Variants in TBXAS1 observed in about 807,000 individuals in gnomAD.
TBXAS1 encodes thromboxane-A synthase.
TBXAS1 carries 48 observed loss-of-function variants against 60.7 expected under a neutral mutation model. That is an observed-to-expected ratio of 0.79 (90% confidence interval 0.63 to 1.01). TBXAS1 has a LOEUF of 1.01. Among genes scored for constraint, TBXAS1 ranks in the 50% least tolerant of loss-of-function variants. TBXAS1 has a pLI of 0.00. For missense variants in TBXAS1, 685 were observed against 686.3 expected (o/e 1.00, Z 0.02); for synonymous variants, 287 against 269.7 (o/e 1.06, Z -0.63).
chr7:139,886,862 C>T (rs1803152775), intron 3 of TBXAS1, among the ~76,000 whole-genome samples: 1 of 152,190 alleles, frequency 6.6e-6, no homozygotes, highest in Admixed American at 6.5e-5. Flanking sequence ...TTGTTAGCTG[C>T]TTCCCCCAAA....
chr7:139,798,684 A>C (rs1797634268), intron 4 of TBXAS1, among the ~76,000 whole-genome samples: 1 of 152,204 alleles, frequency 6.6e-6, no homozygotes, highest in Non-Finnish European at 1.5e-5. Context: ...ACCATAATTC[A>C]TGTTCCTGAT....
intron 9 of TBXAS1, among the ~76,000 whole-genome samples, chr7:139,966,694 C>G (rs985539345): frequency 6.6e-6 from 1 of 152,228 alleles, no homozygotes; most frequent in Admixed American, 6.5e-5. Flanking sequence ...TTGGACAGAT[C>G]TCAATGATTT....
At chr7:140,014,358 C>T (rs769631807) in intron 10 of TBXAS1, among the ~76,000 whole-genome samples, 3 of 152,220 alleles carry the variant, frequency 2.0e-5, no homozygotes, top group Non-Finnish European at 2.9e-5. Flanking sequence ...TTCTGTGGAC[C>T]GCCCAGGGAA....
intron 9 of TBXAS1, among the ~76,000 whole-genome samples, chr7:139,981,749 A>G (rs537149091): frequency 2.0e-5 from 3 of 152,210 alleles, no homozygotes; most frequent in Non-Finnish European, 4.4e-5. Flanking sequence ...CAGACAGACC[A>G]TAAGTAATTC....
intron 3 of TBXAS1, among the ~76,000 whole-genome samples, chr7:139,878,631 C>A (rs1802448822): frequency 6.6e-6 from 1 of 152,122 alleles, no homozygotes; most frequent in Non-Finnish European, 1.5e-5. Context: ...AATCGAATGT[C>A]TTTTCTAACT....
At chr7:139,830,645 A>G (rs1422514723) in intron 1 of TBXAS1, among the ~76,000 whole-genome samples, 3 of 151,986 alleles carry the variant, frequency 2.0e-5, no homozygotes, top group African/African-American at 4.8e-5. Flanking sequence ...CCAGCCCCCA[A>G]TAATCCATCT....
chr7:139,920,659 C>T (rs1222285629), intron 4 of TBXAS1, among the ~76,000 whole-genome samples: 2 of 152,186 alleles, frequency 1.3e-5, no homozygotes, highest in East Asian at 3.8e-4. Context: ...ACCCCAGTTA[C>T]CAGCTTGAGA....
At chr7:139,854,814 G>C (rs1175372855) in intron 1 of TBXAS1, among the ~76,000 whole-genome samples, 1 of 152,198 alleles carries the variant, frequency 6.6e-6, no homozygotes, top group Non-Finnish European at 1.5e-5. Context: ...GCTTCCCCAA[G>C]TCCAAGGTAA....
intron 4 of TBXAS1, among the ~76,000 whole-genome samples, chr7:139,794,875 T>G (rs1443261090): frequency 2.7e-5 from 4 of 149,814 alleles, no homozygotes; most frequent in African/African-American, 5.0e-5. Context: ...TAGTATTCCA[T>G]GGTGTATATG....
At chr7:139,872,088 C>T in intron 1 of TBXAS1, 147 bp from the exon 2 acceptor site, 1 of 729,266 alleles carries the variant, frequency 1.4e-6, no homozygotes, top group South Asian at 1.5e-5. Flanking sequence ...CTCTAGGCCT[C>T]CAATTTTTTG....
At chr7:139,784,589 T>G (rs949909851) in intron 3 of TBXAS1, among the ~76,000 whole-genome samples, 1 of 152,196 alleles carries the variant, frequency 6.6e-6, no homozygotes, top group Non-Finnish European at 1.5e-5. Context: ...GATAGAAAGA[T>G]ATGAATGTCT....
chr7:139,924,458 T>TA (rs1349067221), intron 4 of TBXAS1, among the ~76,000 whole-genome samples: 1 of 152,098 alleles, frequency 6.6e-6, no homozygotes, highest in Admixed American at 6.6e-5. Context: ...CTTTTTTTTT[T>TA]AAACTGTCGA....
At chr7:139,952,766 A>T in intron 5 of TBXAS1, 1 of 1,387,522 alleles carries the variant, frequency 7.2e-7, no homozygotes. Flanking sequence ...ATGTGGGCAT[A>T]GGAGGCATCT....
chr7:139,969,457 C>CAAA (rs71170928), intron 9 of TBXAS1, among the ~76,000 whole-genome samples: 61 of 101,014 alleles, frequency 6.0e-4, no homozygotes, highest in African/African-American at 1.7e-3. Flanking sequence ...TATGTGCTTA[C>CAAA]AAAAAAAAAA....
At chr7:139,940,785 A>G (rs1808225568) in intron 5 of TBXAS1, among the ~76,000 whole-genome samples, 1 of 152,204 alleles carries the variant, frequency 6.6e-6, no homozygotes, top group Non-Finnish European at 1.5e-5. Flanking sequence ...TGCACACACT[A>G]GGTACATAAT....
intron 9 of TBXAS1, among the ~76,000 whole-genome samples, chr7:139,978,307 C>T (rs972162078): frequency 1.3e-5 from 2 of 151,390 alleles, no homozygotes; most frequent in African/African-American, 4.9e-5. Flanking sequence ...CCCAGGAGTT[C>T]GAGATCAGCC....
chr7:139,782,367 A>G (rs1411652627), intron 2 of TBXAS1: 1 of 152,172 alleles, frequency 6.6e-6, no homozygotes, highest in Non-Finnish European at 1.5e-5. Flanking sequence ...AAAATGGTGC[A>G]AGTCATATCT....
intron 11 of TBXAS1, chr7:140,016,298 A>C (rs1436583511): frequency 3.9e-6 from 1 of 258,774 alleles, no homozygotes; most frequent in Non-Finnish European, 7.4e-6. Context: ...ACTACACTCC[A>C]GCCTGGGTGA....
intron 9 of TBXAS1, among the ~76,000 whole-genome samples, chr7:139,990,485 C>A (rs971864565): frequency 1.3e-5 from 2 of 152,138 alleles, no homozygotes; most frequent in African/African-American, 2.4e-5. Context: ...CAGCCAGCCT[C>A]GAGCACCTGT....
Sources: allele counts gnomAD v4.1 joint callset (sites outside exome capture counted in the v4.1 genomes callset), GRCh38; gene constraint gnomAD v4.1.1; transcripts MANE v1.5; gene names NCBI Gene and HGNC (gene_info 2026-07-23, HGNC 2026-07-21).